CNOT6L: variants seen among roughly 807,000 people sequenced by gnomAD.
CNOT6L encodes the protein CCR4-NOT transcription complex subunit 6-like.
In CNOT6L, 7 loss-of-function variants were observed where a neutral mutation model predicts 64.0. The observed-to-expected ratio is 0.11, with a 90% CI of 0.06 to 0.21. The LOEUF (loss-of-function observed/expected upper bound fraction) is 0.21, where lower values mean the gene tolerates loss of function less well. Among genes scored for constraint, CNOT6L ranks in the 10% least tolerant of loss-of-function variants. CNOT6L has a pLI of 1.00. For synonymous variants in CNOT6L, 193 were observed against 243.4 expected (o/e 0.79, Z 1.93); for missense variants, 245 against 669.0 (o/e 0.37, Z 6.99).
At chr4:77,749,838 A>T (rs1413640861) in intron 5 of CNOT6L, among the ~76,000 whole-genome samples, 9 of 152,228 alleles carry the variant, frequency 5.9e-5, no homozygotes, top group African/African-American at 2.2e-4. Flanking sequence ...ACAAACTGGC[A>T]TCTTTTAAAA....
chr4:77,817,512 C>A (rs184228891), intron 1 of CNOT6L, among the ~76,000 whole-genome samples: 84 of 152,190 alleles, frequency 5.5e-4, no homozygotes, highest in Non-Finnish European at 8.8e-4. Flanking sequence ...CATATGTTTT[C>A]TCATTCTATT....
At chr4:77,786,247 C>G (rs1729427283) in intron 1 of CNOT6L, among the ~76,000 whole-genome samples, 1 of 150,072 alleles carries the variant, frequency 6.7e-6, no homozygotes, top group Admixed American at 6.7e-5. Flanking sequence ...CACCACTGCA[C>G]TCCAGCTGGG....
At chr4:77,770,189 A>G (rs75602311) in intron 4 of CNOT6L, among the ~76,000 whole-genome samples, 1,609 of 152,250 alleles carry the variant, frequency 0.011, 31 homozygotes, top group African/African-American at 0.037. Flanking sequence ...TTGTTGAGCC[A>G]GCATGACCCA....
intron 1 of CNOT6L, among the ~76,000 whole-genome samples, chr4:77,792,290 G>C (rs538367214): frequency 2.0e-5 from 3 of 151,690 alleles, no homozygotes; most frequent in African/African-American, 7.3e-5. Flanking sequence ...GGCAACTATA[G>C]AGGCAAAAAT....
intron 1 of CNOT6L, among the ~76,000 whole-genome samples, chr4:77,786,626 C>T (rs1729478672): frequency 6.6e-6 from 1 of 151,800 alleles, no homozygotes; most frequent in South Asian, 2.1e-4. Context: ...ATGTGCATAC[C>T]ACCCCACGCC....
chr4:77,774,960 T>C (rs545256629), intron 2 of CNOT6L, among the ~76,000 whole-genome samples: 3 of 152,298 alleles, frequency 2.0e-5, no homozygotes, highest in East Asian at 1.9e-4. Flanking sequence ...AAATGAGAAG[T>C]GGCAAAATGT....
rs112509419 is a variant in CNOT6L at position 77,761,448 on chromosome 4, T to C, written c.401-4497A>G. Among the ~76,000 whole-genome samples the C allele has an allele frequency of 2.2e-3, 342 of 152,352 alleles. 3 individuals are homozygous for C. The highest frequency in any genetic ancestry group is 0.01 in the Middle Eastern group (3 of 294). ...AAAATTCCAAGCTCATATGGTTTTA[T>C]TGGAAAATGCTACCAATCATTTAAG... is the stretch of plus-strand genomic sequence containing the variant. On this transcript the variant is annotated intron_variant, in intron 4 of 11. Transcript: ENST00000504123.
chr4:77,737,967 G>A (rs1287299408), intron 8 of CNOT6L, among the ~76,000 whole-genome samples: 1 of 152,090 alleles, frequency 6.6e-6, no homozygotes, highest in African/African-American at 2.4e-5. Context: ...ATTAATAACT[G>A]AGAGACCAGT....
intron 2 of CNOT6L, among the ~76,000 whole-genome samples, chr4:77,775,845 T>C (rs1428712746): frequency 6.6e-6 from 1 of 152,188 alleles, no homozygotes; most frequent in Non-Finnish European, 1.5e-5. Flanking sequence ...CACATTCTAT[T>C]TTACCAAATC....
chr4:77,726,168 T>C lies in CNOT6L; in HGVS notation c.1454A>G (p.Lys485Arg), dbSNP rs923471294. The C allele has an allele frequency of 1.2e-6, 2 of 1,613,524 alleles. No homozygotes were observed. Among genetic ancestry groups the C allele is most frequent in the African/African-American group, 2.7e-5 (2 of 74,906 alleles). ...ACCTGCCCAAAGGCTGCCACTCACT[T>C]TGAAATCAAAGGTGTAATTGGTGTA... ...MPYTNYTFDF[K>R]GVIDYIFYSK... The change falls in exon 11 of 12, where the codon AAA becomes AGA. Residue 485 changes from lysine (K) to arginine (R), a missense_variant and splice_region_variant. Physicochemically the swap from Lys to Arg is conservative, Grantham distance 26 (BLOSUM62 2). This residue lies in a region of CNOT6L where 8 missense variants were observed against 47.1 expected (regional missense o/e 0.17). Coordinates refer to ENST00000504123, the MANE Select transcript of CNOT6L (RefSeq NM_144571.3).
At chr4:77,761,205 A>T (rs759355396) in intron 4 of CNOT6L, among the ~76,000 whole-genome samples, 19 of 152,074 alleles carry the variant, frequency 1.2e-4, no homozygotes, top group Admixed American at 4.6e-4. Flanking sequence ...TGACCAAAAA[A>T]TCCAAACAAA....
At chr4:77,764,075 C>T (rs1380513691) in intron 4 of CNOT6L, among the ~76,000 whole-genome samples, 1 of 152,078 alleles carries the variant, frequency 6.6e-6, no homozygotes, top group African/African-American at 2.4e-5. Flanking sequence ...CTTCCAGAAC[C>T]AAACAATGCA....
At chr4:77,720,777 C>A in intron 11 of CNOT6L, 134 bp from the exon 12 acceptor site, 2 of 769,990 alleles carry the variant, frequency 2.6e-6, no homozygotes, top group Admixed American at 2.8e-5. Context: ...TCAAATAAGG[C>A]TCAAATATTC....
At chr4:77,743,647 GC>G (rs1383568972) in intron 7 of CNOT6L, among the ~76,000 whole-genome samples, 1 of 135,340 alleles carries the variant, frequency 7.4e-6, no homozygotes, top group African/African-American at 2.9e-5. Flanking sequence ...TGCCATCCAG[GC>G]TGGAGTGCAG....
At chr4:77,803,652 C>T (rs1033722886) in intron 1 of CNOT6L, among the ~76,000 whole-genome samples, 12 of 152,038 alleles carry the variant, frequency 7.9e-5, no homozygotes, top group Admixed American at 2.0e-4. Flanking sequence ...GCCTATAATC[C>T]CATCACTTTG....
At chr4:77,746,320 T>C (rs1278922849) in intron 6 of CNOT6L, among the ~76,000 whole-genome samples, 1 of 152,228 alleles carries the variant, frequency 6.6e-6, no homozygotes, top group African/African-American at 2.4e-5. Flanking sequence ...TCATCTCTTA[T>C]ACTCTGTTTC....
chr4:77,796,942 G>A (rs1730913133), intron 1 of CNOT6L, among the ~76,000 whole-genome samples: 1 of 151,632 alleles, frequency 6.6e-6, no homozygotes, highest in Non-Finnish European at 1.5e-5. Context: ...AAAATTAGCT[G>A]GGCATGGTGG....
At chr4:77,792,638 A>C (rs1388213654) in intron 1 of CNOT6L, among the ~76,000 whole-genome samples, 1 of 151,150 alleles carries the variant, frequency 6.6e-6, no homozygotes, top group Non-Finnish European at 1.5e-5. Flanking sequence ...AGACAGGAGA[A>C]TCGCTTGAAC....
chr4:77,772,113 G>C (rs1209571216), intron 4 of CNOT6L, among the ~76,000 whole-genome samples: 3 of 152,206 alleles, frequency 2.0e-5, no homozygotes, highest in South Asian at 2.1e-4. Context: ...AATAGGTACA[G>C]CTAATTTTAC....
Sources: gnomAD v4.1 joint callset for allele counts (sites outside exome capture counted in the v4.1 genomes callset) on GRCh38, gnomAD v4.1.1 for gene constraint, gnomAD v4.1.1 regional missense constraint, MANE v1.5 for transcripts, NCBI Gene and HGNC (gene_info 2026-07-23, HGNC 2026-07-21) for gene names.